PLA2G4A: variants seen among roughly 807,000 people sequenced by gnomAD.
The protein encoded by PLA2G4A is cytosolic phospholipase A2.
In PLA2G4A, 40 loss-of-function variants were observed where a neutral mutation model predicts 81.9. The observed-to-expected ratio is 0.49, with a 90% CI of 0.38 to 0.64. The LOEUF (loss-of-function observed/expected upper bound fraction) is 0.64, where lower values mean the gene tolerates loss of function less well. Ranked by LOEUF, PLA2G4A falls within the 30% of genes least tolerant of loss-of-function variation. The pLI, the probability that PLA2G4A is intolerant of heterozygous loss-of-function variation, is 0.00. For synonymous variants in PLA2G4A, 302 were observed against 296.9 expected (o/e 1.02, Z -0.18); for missense variants, 715 against 905.1 (o/e 0.79, Z 2.69).
At chr1:186,953,565 G>A (rs1436127918) in intron 13 of PLA2G4A, among the ~76,000 whole-genome samples, 2 of 152,036 alleles carry the variant, frequency 1.3e-5, no homozygotes, top group Admixed American at 6.6e-5. Flanking sequence ...ATGATTTTGA[G>A]CAAAGTTTTA....
In PLA2G4A at chr1:186,979,444, T is replaced by C; in HGVS notation, c.2090T>C (p.Met697Thr). Residue 697 changes from methionine to threonine, a missense_variant, in exon 17 of 18, where the codon ATG becomes ACG. Coordinates refer to ENST00000367466, the MANE Select transcript of PLA2G4A (RefSeq NM_024420.3). The stretch of plus-strand genomic sequence containing the variant: ...GCATTCAAAAGACTACATGATCTTA[T>C]GCACTTCAATACTCTGAACAACATT... Reference protein sequence around the residue: ...NQAFKRLHDLMHFNTLNNIDV... With the variant: ...NQAFKRLHDLTHFNTLNNIDV... 6.2e-7 allele frequency: 1 copy of C among 1,602,636 alleles called. No individual in the cohort carries two copies. The highest frequency in any genetic ancestry group is 8.6e-7 in the Non-Finnish European group (1 of 1,169,504).
chr1:186,890,851 C>CAAA (rs11390247), intron 3 of PLA2G4A, among the ~76,000 whole-genome samples: 1 of 130,718 alleles, frequency 7.7e-6, no homozygotes. Flanking sequence ...GACTCTGTCT[C>CAAA]AAAAAAAAAA....
chr1:186,854,465 T>C, intron 2 of PLA2G4A, 78 bp downstream of exon 2: 1 of 926,986 alleles, frequency 1.1e-6, no homozygotes, highest in South Asian at 1.3e-5. Context: ...GTGTTGCTAG[T>C]AAAGTCAAAC....
chr1:186,831,924 C>A (rs1054531101), intron 1 of PLA2G4A, among the ~76,000 whole-genome samples: 4 of 150,624 alleles, frequency 2.7e-5, no homozygotes, highest in South Asian at 4.2e-4. Context: ...CATGCTTCTC[C>A]CTCATTCATG....
chr1:186,983,093 A>T (rs1036987388), intron 17 of PLA2G4A, among the ~76,000 whole-genome samples: 2 of 150,360 alleles, frequency 1.3e-5, no homozygotes, highest in Non-Finnish European at 3.0e-5. Flanking sequence ...CAAAAAAAAA[A>T]AAAAAAGAAA....
At chr1:186,936,814 A>C (rs1488031532) in intron 8 of PLA2G4A, among the ~76,000 whole-genome samples, 1 of 151,976 alleles carries the variant, frequency 6.6e-6, no homozygotes, top group Non-Finnish European at 1.5e-5. Flanking sequence ...CTTATCATAT[A>C]AATATGTTGA....
At chr1:186,892,030 C>A (rs1358311608) in intron 3 of PLA2G4A, among the ~76,000 whole-genome samples, 2 of 152,106 alleles carry the variant, frequency 1.3e-5, no homozygotes, top group East Asian at 3.9e-4. Context: ...ATTTGCGTTT[C>A]TCTTATGATT....
At chr1:186,892,036 T>C (rs1033915353) in intron 3 of PLA2G4A, among the ~76,000 whole-genome samples, 13 of 152,206 alleles carry the variant, frequency 8.5e-5, no homozygotes, top group African/African-American at 1.9e-4. Flanking sequence ...GTTTCTCTTA[T>C]GATTAATGAT....
At chr1:186,886,943 G>A (rs1653956802) in intron 3 of PLA2G4A, among the ~76,000 whole-genome samples, 1 of 152,134 alleles carries the variant, frequency 6.6e-6, no homozygotes, top group African/African-American at 2.4e-5. Flanking sequence ...TCAAATGTCT[G>A]AATAATAATC....
intron 9 of PLA2G4A, 100 bp downstream of exon 9, chr1:186,939,330 AG>A (rs1249031948): frequency 5.5e-6 from 3 of 548,278 alleles, no homozygotes; most frequent in Non-Finnish European, 9.3e-6. Flanking sequence ...ATTTTATAAA[AG>A]TCAGTGGACT....
chr1:186,885,413 T>C (rs35174355), intron 3 of PLA2G4A, among the ~76,000 whole-genome samples: 26,391 of 152,030 alleles, frequency 0.17, 2,395 homozygotes, highest in Middle Eastern at 0.23. Flanking sequence ...TGAAATCAAT[T>C]CATTTGTTAA....
intron 7 of PLA2G4A, among the ~76,000 whole-genome samples, chr1:186,912,304 G>A (rs1174950962): frequency 6.6e-6 from 1 of 152,130 alleles, no homozygotes; most frequent in Non-Finnish European, 1.5e-5. Context: ...AACCCACATT[G>A]ACACATCATT....
chr1:186,895,915 A>C (rs907434606), intron 5 of PLA2G4A, among the ~76,000 whole-genome samples: 1 of 152,130 alleles, frequency 6.6e-6, no homozygotes, highest in Admixed American at 6.6e-5. Flanking sequence ...GTAAAATGGA[A>C]ATAATATTTT....
chr1:186,876,910 GT>G (rs1370765453), intron 3 of PLA2G4A, among the ~76,000 whole-genome samples: 7 of 152,066 alleles, frequency 4.6e-5, no homozygotes, highest in Non-Finnish European at 1.0e-4. Context: ...CCTCTCACCT[GT>G]AGGGCGACCT....
chr1:186,845,013 C>G (rs752713452), intron 1 of PLA2G4A, among the ~76,000 whole-genome samples: 4 of 152,122 alleles, frequency 2.6e-5, no homozygotes, highest in Non-Finnish European at 5.9e-5. Context: ...AGTTTGAGAT[C>G]AGCCTGGCCA....
intron 2 of PLA2G4A, among the ~76,000 whole-genome samples, chr1:186,860,201 G>T (rs1324969830): frequency 1.3e-5 from 2 of 152,032 alleles, no homozygotes; most frequent in Non-Finnish European, 1.5e-5. Context: ...ACAAACAGGA[G>T]ATATTAATTT....
rs184637308 is a variant in PLA2G4A at position 186,971,827 on chromosome 1, T to A, written c.1765-5766T>A. 8.5e-5 allele frequency among the ~76,000 whole-genome samples: 13 copies of A among 152,120 alleles called. No homozygotes were observed. The East Asian group carries it at 1.7e-3, about 20-fold the overall frequency. ...AGGAGTCTACATAAAGTTCTTTTGA[T>A]AGGAGGGGAGAATCCCTAATGTAAT... On this transcript the variant is annotated intron_variant, in intron 15 of 17. Transcript: ENST00000367466.
chr1:186,905,412 A>G (rs945993351), intron 5 of PLA2G4A, among the ~76,000 whole-genome samples: 1 of 148,286 alleles, frequency 6.7e-6, no homozygotes, highest in African/African-American at 2.5e-5. Context: ...AAAAAAAAAG[A>G]CCATGCTTTA....
At chr1:186,908,968 CTTTTTTT>C (rs1201226836) in intron 6 of PLA2G4A, among the ~76,000 whole-genome samples, 5 of 75,090 alleles carry the variant, frequency 6.7e-5, no homozygotes, top group African/African-American at 2.3e-4. Context: ...CTTTTCTTTT[CTTTTTTT>C]TTTTTTTTTT....
Sources: gnomAD v4.1 joint callset for allele counts (sites outside exome capture counted in the v4.1 genomes callset) on GRCh38, gnomAD v4.1.1 for gene constraint, MANE v1.5 for transcripts, NCBI Gene and HGNC (gene_info 2026-07-23, HGNC 2026-07-21) for gene names.